The following GNAQ variants were observed in gnomAD, a reference collection of about 807,000 sequenced individuals.
GNAQ encodes the protein guanine nucleotide-binding protein G(q) subunit alpha.
Under a neutral mutation model 43.9 loss-of-function variants are expected in GNAQ, and 8 were observed. That is an observed-to-expected ratio of 0.18 (90% CI 0.11 to 0.33). The LOEUF is 0.33. Ranked by LOEUF, GNAQ falls within the 10% of genes least tolerant of loss-of-function variation. The pLI is 1.00. For missense variants in GNAQ, 158 were observed against 450.8 expected (o/e 0.35, Z 5.88); for synonymous variants, 155 against 170.7 (o/e 0.91, Z 0.71).
chr9:77,754,362 G>C (rs1236792102), intron 5 of GNAQ, among the ~76,000 whole-genome samples: 1 of 152,206 alleles, frequency 6.6e-6, no homozygotes, highest in Non-Finnish European at 1.5e-5. Flanking sequence ...ATCTAACATA[G>C]TTCCTGGGAC....
intron 2 of GNAQ, among the ~76,000 whole-genome samples, chr9:77,839,997 G>A (rs1000816345): frequency 2.0e-5 from 3 of 152,160 alleles, no homozygotes; most frequent in African/African-American, 4.8e-5. Flanking sequence ...CAAATGGAGA[G>A]CATAACCTTT....
intron 1 of GNAQ, among the ~76,000 whole-genome samples, chr9:78,016,830 A>C (rs1028031230): frequency 1.2e-4 from 19 of 152,342 alleles, no homozygotes; most frequent in Admixed American, 1.0e-3. Flanking sequence ...TTAGAAAATA[A>C]AAACTGTAAA....
At chr9:77,743,756 A>C (rs550598668) in intron 5 of GNAQ, among the ~76,000 whole-genome samples, 30 of 152,298 alleles carry the variant, frequency 2.0e-4, no homozygotes, top group South Asian at 1.7e-3. Flanking sequence ...AACTACAAAA[A>C]CATCTGAAAT....
intron 2 of GNAQ, among the ~76,000 whole-genome samples, chr9:77,833,155 A>T (rs2118557604): frequency 6.6e-6 from 1 of 152,048 alleles, no homozygotes; most frequent in East Asian, 1.9e-4. Flanking sequence ...TTTTGTAGAG[A>T]CGGGGATTCA....
At chr9:77,885,865 C>T (rs928854616) in intron 2 of GNAQ, among the ~76,000 whole-genome samples, 7 of 151,524 alleles carry the variant, frequency 4.6e-5, no homozygotes, top group Non-Finnish European at 8.8e-5. Context: ...CATTCAAATT[C>T]AATAAATGCT....
intron 2 of GNAQ, among the ~76,000 whole-genome samples, chr9:77,838,400 C>T (rs1827428879): frequency 6.6e-6 from 1 of 151,086 alleles, no homozygotes; most frequent in Admixed American, 6.6e-5. Context: ...ACCTTGCCTC[C>T]CAAAGTGCTG....
At chr9:77,759,884 C>T (rs1197185484) in intron 5 of GNAQ, among the ~76,000 whole-genome samples, 1 of 123,352 alleles carries the variant, frequency 8.1e-6, no homozygotes, top group South Asian at 2.8e-4. Flanking sequence ...CTACCTTTTT[C>T]TCTCTCTTTT....
intron 2 of GNAQ, among the ~76,000 whole-genome samples, chr9:77,873,497 A>G (rs983072622): frequency 2.6e-5 from 4 of 152,198 alleles, no homozygotes; most frequent in African/African-American, 9.7e-5. Flanking sequence ...TACTGTAAAC[A>G]ATGTATTTAG....
chr9:77,789,370 C>T (rs1826531101), intron 5 of GNAQ, among the ~76,000 whole-genome samples: 4 of 152,062 alleles, frequency 2.6e-5, no homozygotes, highest in African/African-American at 9.7e-5. Context: ...AAAAGGCTCA[C>T]ATCCAAAGAA....
chr9:77,851,698 C>A (rs1275631747), intron 2 of GNAQ, among the ~76,000 whole-genome samples: 1 of 152,182 alleles, frequency 6.6e-6, no homozygotes, highest in East Asian at 1.9e-4. Flanking sequence ...AGGGTCCTAT[C>A]CTGGGGGTTA....
Position 77,732,645 on chromosome 9 carries a change from C to T in GNAQ, c.736-3978G>A, listed in dbSNP as rs561906729. ...CCTCCCAAAGTGCTGGGATTACAGG[C>T]GTGAGCCACCGCACCCGGCAGGATA... On this transcript the variant is annotated intron_variant, in intron 5 of 6. Coordinates refer to ENST00000286548, the MANE Select transcript of GNAQ (RefSeq NM_002072.5). Among the ~76,000 whole-genome samples the T allele has an allele frequency of 1.3e-3, 201 of 152,282 alleles. 1 individual carries two copies. The highest frequency in any genetic ancestry group is 1.9e-3 in the Non-Finnish European group (127 of 68,016).
chr9:77,796,649 C>G (rs769044744), intron 4 of GNAQ, among the ~76,000 whole-genome samples: 24 of 152,154 alleles, frequency 1.6e-4, no homozygotes, highest in Admixed American at 2.6e-4. Flanking sequence ...TAGGTAAATA[C>G]AGACTAGGTT....
chr9:77,936,376 C>T (rs896418890), intron 1 of GNAQ, among the ~76,000 whole-genome samples: 1 of 152,094 alleles, frequency 6.6e-6, no homozygotes, highest in Non-Finnish European at 1.5e-5. Flanking sequence ...ATTTTTAATA[C>T]ACCGACCCAA....
At chr9:77,760,218 T>TTCCCTC (rs1381880115) in intron 5 of GNAQ, among the ~76,000 whole-genome samples, 2 of 38,252 alleles carry the variant, frequency 5.2e-5, no homozygotes, top group Non-Finnish European at 1.6e-4. Flanking sequence ...AATCCTGGAC[T>TTCCCTC]TCCCTCTCCC....
chr9:77,913,749 G>T (rs950240573), intron 2 of GNAQ, among the ~76,000 whole-genome samples: 7 of 152,090 alleles, frequency 4.6e-5, no homozygotes, highest in Admixed American at 1.3e-4. Context: ...TCGGAACTTG[G>T]GAGTATTGAC....
In GNAQ at chr9:78,014,827, C is replaced by T. The variant is rs546253757; in HGVS notation, c.136+16273G>A. On this transcript the variant is annotated intron_variant, in intron 1 of 6. Transcript: ENST00000286548. ...TACCTCATAAAAGAGTACAGTCCTA[C>T]ACCACATTAACAATGTTTCAGTCAA... Among the ~76,000 whole-genome samples, 7 of 152,320 alleles carry T rather than the reference C, an allele frequency of 4.6e-5. No homozygotes were observed. The East Asian group carries it at 9.6e-4, about 21-fold the overall frequency.
chr9:77,958,774 G>C (rs1161211775), intron 1 of GNAQ, among the ~76,000 whole-genome samples: 1 of 152,140 alleles, frequency 6.6e-6, no homozygotes, highest in Non-Finnish European at 1.5e-5. Flanking sequence ...AGTACCGACT[G>C]TGGCCAATCA....
At chr9:77,917,484 C>A (rs1156443847) in intron 2 of GNAQ, among the ~76,000 whole-genome samples, 1 of 151,768 alleles carries the variant, frequency 6.6e-6, no homozygotes, top group Non-Finnish European at 1.5e-5. Flanking sequence ...TATAAACAAA[C>A]CTGCACATGT....
chr9:77,812,171 CA>C (rs1187366783), intron 3 of GNAQ, among the ~76,000 whole-genome samples: 2 of 152,166 alleles, frequency 1.3e-5, no homozygotes, highest in Non-Finnish European at 2.9e-5. Flanking sequence ...AATTATTTTA[CA>C]AATCCCAATG....
Sources: allele counts gnomAD v4.1 joint callset (sites outside exome capture counted in the v4.1 genomes callset), GRCh38; gene constraint gnomAD v4.1.1; transcripts MANE v1.5; gene names NCBI Gene and HGNC (gene_info 2026-07-23, HGNC 2026-07-21).